METAP1: variants seen among roughly 807,000 people sequenced by gnomAD.
METAP1 encodes the protein methionyl aminopeptidase 1.
Under a neutral mutation model 53.8 loss-of-function variants are expected in METAP1, and 28 were observed. The observed-to-expected ratio is 0.52, with a 90% CI of 0.39 to 0.71. The LOEUF is 0.71. Among genes scored for constraint, METAP1 ranks in the 30% least tolerant of loss-of-function variants. The pLI, the probability that METAP1 is intolerant of heterozygous loss-of-function variation, is 0.00. For synonymous variants in METAP1, 181 were observed against 165.7 expected, an observed-to-expected ratio of 1.09 and a Z score of -0.71; for missense variants, 389 against 479.8, an observed-to-expected ratio of 0.81 and a Z score of 1.77.
At chr4:99,020,003 C>A (rs1560703098) in intron 1 of METAP1, among the ~76,000 whole-genome samples, 1 of 152,086 alleles carries the variant, frequency 6.6e-6, no homozygotes, top group Non-Finnish European at 1.5e-5. Flanking sequence ...GTAGATCCCT[C>A]ATATTCTTCT....
At chr4:99,008,131 TAAG>T (rs1249736958) in intron 1 of METAP1, among the ~76,000 whole-genome samples, 3 of 152,244 alleles carry the variant, frequency 2.0e-5, no homozygotes, top group African/African-American at 7.2e-5. Flanking sequence ...ATGAAGGAGT[TAAG>T]AACTGAATTT....
intron 1 of METAP1, chr4:99,025,216 CAA>C (rs1724477141): frequency 3.4e-6 from 1 of 291,104 alleles, no homozygotes; most frequent in African/African-American, 2.3e-5. Context: ...AAGTTTTTCC[CAA>C]AGTTAGTTTG....
intron 1 of METAP1, among the ~76,000 whole-genome samples, chr4:99,020,481 G>C (rs77902414): frequency 6.6e-6 from 1 of 152,056 alleles, no homozygotes. Flanking sequence ...TTCTGCCTCC[G>C]GAGCCTGAGG....
rs778256158 is a variant in METAP1, at chr4:99,048,839, G to A, written c.894G>A (p.Lys298=). The part of the protein sequence containing the change: ...VRSYCGHGIH[K]LFHTAPNVPH... ...GCTATTGTGGGCATGGAATCCACAA[G>A]CTTTTTCATACAGCTCCCAATGTAC... The change falls in exon 9 of 11, where the codon AAG becomes AAA. Residue 298 remains lysine (K), a synonymous_variant. Transcript: ENST00000296411. The A allele has an allele frequency of 1.1e-5, 18 of 1,613,884 alleles. No individual in the cohort carries two copies. The highest frequency in any genetic ancestry group is 5.0e-5 in the Admixed American group (3 of 60,006).
At chr4:99,047,187 G>A (rs1423196346) in intron 8 of METAP1, among the ~76,000 whole-genome samples, 4 of 152,036 alleles carry the variant, frequency 2.6e-5, no homozygotes, top group South Asian at 2.1e-4. Context: ...CTTAAGTAGG[G>A]TTTCTTAGTC....
At chr4:98,997,182 TC>T (rs1722677120) in intron 1 of METAP1, among the ~76,000 whole-genome samples, 1 of 152,226 alleles carries the variant, frequency 6.6e-6, no homozygotes, top group Non-Finnish European at 1.5e-5. Context: ...AAAAGTGTTT[TC>T]CAACATAAAA....
At chr4:99,027,554 C>T (rs947224348) in intron 1 of METAP1, among the ~76,000 whole-genome samples, 6 of 150,172 alleles carry the variant, frequency 4.0e-5, no homozygotes, top group Admixed American at 6.6e-5. Context: ...ACCCCCCCCC[C>T]GCCTTTGTCA....
chr4:98,998,569 A>T (rs1439035902), intron 1 of METAP1, among the ~76,000 whole-genome samples: 1 of 152,122 alleles, frequency 6.6e-6, no homozygotes, highest in Non-Finnish European at 1.5e-5. Flanking sequence ...AAAAGAAGAA[A>T]TTAGGGATTT....
intron 6 of METAP1, among the ~76,000 whole-genome samples, chr4:99,041,532 A>G (rs940666807): frequency 3.9e-5 from 6 of 152,082 alleles, no homozygotes; most frequent in Non-Finnish European, 8.8e-5. Flanking sequence ...AGTCCACATA[A>G]ATATTTGTAG....
In METAP1 at chr4:99,035,473, A is replaced by T; in HGVS notation, c.340+13A>T. The T allele has an allele frequency of 2.0e-6, 3 of 1,528,754 alleles. No homozygotes were observed. The highest frequency in any genetic ancestry group is 2.7e-6 in the Non-Finnish European group (3 of 1,127,020). The allele number at this position is 1,528,754 out of a possible 1,614,324, so 94.7% of individuals were successfully genotyped here. The stretch of plus-strand genomic sequence containing the variant: ...GATCATCCCTTAGGTAAGCTCTGCT[A>T]TGTTGATTCTTCATTTTTCAATTTG... On this transcript the variant is annotated intron_variant, in intron 4 of 10. Transcript: ENST00000296411.
At chr4:99,007,074 T>A (rs1009317195) in intron 1 of METAP1, among the ~76,000 whole-genome samples, 4 of 151,970 alleles carry the variant, frequency 2.6e-5, no homozygotes, top group Non-Finnish European at 5.9e-5. Context: ...GCTCCCGCCT[T>A]GGCCTCCTGA....
At chr4:99,042,896 T>G (rs1052143724) in intron 6 of METAP1, among the ~76,000 whole-genome samples, 3 of 152,150 alleles carry the variant, frequency 2.0e-5, no homozygotes, top group Admixed American at 6.5e-5. Context: ...TAATTTCAAA[T>G]TTGAAATTCT....
At chr4:99,029,098 T>TATCTTA (rs1328848542) in intron 2 of METAP1, among the ~76,000 whole-genome samples, 180 bp downstream of exon 2, 1 of 152,208 alleles carries the variant, frequency 6.6e-6, no homozygotes, top group East Asian at 1.9e-4. Flanking sequence ...GTCTGGATAA[T>TATCTTA]ATCTTAATCT....
rs113868322 is a variant in METAP1, at chr4:99,060,828, T to A, written c.998-326T>A. ...GTACATAGTGATGCTTTGATACATA[T>A]AATGATACATATAATTAATTAAGGT... On this transcript the variant is annotated intron_variant, in intron 10 of 10. Transcript: ENST00000296411. Among the ~76,000 whole-genome samples the A allele has an allele frequency of 2.6e-3, 403 of 152,336 alleles. 4 individuals are homozygous for A. The highest frequency in any genetic ancestry group is 9.2e-3 in the African/African-American group (384 of 41,586).
At chr4:99,060,200 C>T (rs1727442135) in intron 10 of METAP1, among the ~76,000 whole-genome samples, 2 of 152,020 alleles carry the variant, frequency 1.3e-5, no homozygotes, top group Admixed American at 1.3e-4. Context: ...CATCCATCTC[C>T]AAAAGTCTTT....
intron 9 of METAP1, among the ~76,000 whole-genome samples, chr4:99,053,864 A>G (rs567289432): frequency 2.1e-4 from 32 of 150,462 alleles, no homozygotes; most frequent in Admixed American, 7.3e-4. Flanking sequence ...AGGTTTCAGC[A>G]TTAATATTAT....
At chr4:98,998,973 G>C (rs899879239) in intron 1 of METAP1, among the ~76,000 whole-genome samples, 1 of 152,160 alleles carries the variant, frequency 6.6e-6, no homozygotes, top group African/African-American at 2.4e-5. Context: ...ACCACGCTCA[G>C]CTAATTTTGT....
chr4:99,009,909 C>G (rs1267173814), intron 1 of METAP1, among the ~76,000 whole-genome samples: 1 of 152,124 alleles, frequency 6.6e-6, no homozygotes, highest in Admixed American at 6.5e-5. Flanking sequence ...CTTTAATTGC[C>G]TGTGCTTTTG....
At chr4:99,046,952 A>AAG (rs1553946574) in intron 8 of METAP1, among the ~76,000 whole-genome samples, 1 of 150,704 alleles carries the variant, frequency 6.6e-6, no homozygotes, top group East Asian at 1.9e-4. Flanking sequence ...AAAAAAAAAA[A>AAG]AAAAAAGAAA....
Sources: gnomAD v4.1 joint callset for allele counts (sites outside exome capture counted in the v4.1 genomes callset) on GRCh38, gnomAD v4.1.1 for gene constraint, MANE v1.5 for transcripts, NCBI Gene and HGNC (gene_info 2026-07-23, HGNC 2026-07-21) for gene names.